Variants in CYLD observed in about 807,000 individuals in gnomAD.
CYLD encodes ubiquitin carboxyl-terminal hydrolase CYLD.
Under a neutral mutation model 104.5 loss-of-function variants are expected in CYLD, and 26 were observed. The ratio of observed to expected loss-of-function variants is 0.25; its 90% CI spans 0.18 to 0.35. The LOEUF (loss-of-function observed/expected upper bound fraction) is 0.35, where lower values mean the gene tolerates loss of function less well. CYLD is among the 10% of genes least tolerant of loss of function. The pLI, the probability that CYLD is intolerant of heterozygous loss-of-function variation, is 1.00. For missense variants in CYLD, 703 were observed against 1,136.1 expected (o/e 0.62, Z 5.48); for synonymous variants, 385 against 399.9 (o/e 0.96, Z 0.45).
Position 50,772,395 on chromosome 16 carries a change from T to A in CYLD, c.914-2771T>A, listed in dbSNP as rs112893957. 1.6e-4 allele frequency among the ~76,000 whole-genome samples: 25 copies of A among 152,346 alleles called. 1 individual carries two copies. The highest frequency in any genetic ancestry group is 6.0e-4 in the African/African-American group (25 of 41,590). On this transcript the variant is annotated intron_variant, in intron 5 of 18. Coordinates refer to ENST00000427738, the MANE Select transcript of CYLD (RefSeq NM_001378743.1). The stretch of plus-strand genomic sequence containing the variant: ...GTTTTATATATTATGTCTAGAGATT[T>A]TAGTTGTACTTAGCAAAAGAAATAG...
chr16:50,746,883 CATGAATAGTTAAG>C (rs1966237148), intron 2 of CYLD, among the ~76,000 whole-genome samples: 1 of 151,968 alleles, frequency 6.6e-6, no homozygotes, highest in African/African-American at 2.4e-5. Context: ...TAAATTGTGA[CATGAATAGTTAAG>C]CTACAGGACC....
In CYLD at chr16:50,800,291, C is replaced by T. The variant is rs1972367684; in HGVS notation, c.*3783C>T. ...TCTGTGAGGGAATCCCCAGGGGAAT[C>T]TCGTGACCAGCCAGGTGTGAAATCT... On this transcript the variant is annotated 3_prime_UTR_variant, in exon 19 of 19. Transcript: ENST00000427738. 8.6e-6 allele frequency: 2 copies of T among 233,312 alleles called. No homozygotes were observed. Among genetic ancestry groups the T allele is most frequent in the African/African-American group, 4.4e-5 (2 of 45,356 alleles). The allele number at this position is 233,312 out of a possible 1,614,324, so 14.5% of individuals were successfully genotyped here.
intron 2 of CYLD, among the ~76,000 whole-genome samples, chr16:50,747,502 A>G (rs1374462743): frequency 6.6e-6 from 1 of 152,238 alleles, no homozygotes; most frequent in Non-Finnish European, 1.5e-5. Context: ...TCATAATGAT[A>G]CATCAATGAT....
chr16:50,748,497 A>G (rs1283336559), intron 2 of CYLD, among the ~76,000 whole-genome samples: 1 of 152,172 alleles, frequency 6.6e-6, no homozygotes, highest in East Asian at 1.9e-4. Context: ...GCAGTGAGCT[A>G]TGATCGCACC....
Position 50,781,187 on chromosome 16 carries a change from C to T in CYLD, c.1519-59C>T, listed in dbSNP as rs1234997818. 3.1e-6 allele frequency: 5 copies of T among 1,591,350 alleles called. No homozygotes were observed. The South Asian group carries it at 5.5e-5, about 18-fold the overall frequency. On this transcript the variant is annotated intron_variant, in intron 9 of 18. Transcript: ENST00000427738. ...GAAACAGGTCTTAGAAACCTTAGTTCTTTGTATACTATCTCTGTAAGGCAC... is the reference window on the plus strand; with the variant it reads ...GAAACAGGTCTTAGAAACCTTAGTTTTTTGTATACTATCTCTGTAAGGCAC...
Position 50,798,496 on chromosome 16 carries a change from A to T in CYLD, c.*1988A>T, listed in dbSNP as rs1300857030. 4.3e-6 allele frequency: 1 copy of T among 232,502 alleles called. No homozygotes were observed. 14.4% of individuals were successfully genotyped at this position (232,502 alleles called of 1,614,324 possible). A position where few individuals can be genotyped will look rare whatever the true frequency, so the allele number is the denominator to read the frequency against. On this transcript the variant is annotated 3_prime_UTR_variant, in exon 19 of 19. Coordinates refer to ENST00000427738, the MANE Select transcript of CYLD (RefSeq NM_001378743.1). ...TGTGTCAGTTATATGCAAATTCTGT[A>T]CCATTTTGTATCAGGGAATTGAGCA... is the stretch of plus-strand genomic sequence containing the variant.
Position 50,800,428 on chromosome 16 carries a change from C to T in CYLD, c.*3920C>T, listed in dbSNP as rs567605672. On this transcript the variant is annotated 3_prime_UTR_variant, in exon 19 of 19. Transcript: ENST00000427738. ...TACTTGGATGTTTATCATACTGTTT[C>T]TCTGTGTTTACATACTAATTTGTGT... is the stretch of plus-strand genomic sequence containing the variant. 10 of 233,290 alleles carry T rather than the reference C, an allele frequency of 4.3e-5. 1 individual carries two copies. The highest frequency in any genetic ancestry group is 2.0e-4 in the African/African-American group (9 of 45,434). 14.5% of individuals were successfully genotyped at this position (233,290 alleles called of 1,614,324 possible). A position where few individuals can be genotyped will look rare whatever the true frequency, so the allele number is the denominator to read the frequency against.
At chr16:50,783,180 C>T (rs1256680781) in intron 11 of CYLD, among the ~76,000 whole-genome samples, 1 of 152,094 alleles carries the variant, frequency 6.6e-6, no homozygotes, top group Non-Finnish European at 1.5e-5. Context: ...GATCTACCCG[C>T]CTTGGCCTCC....
Position 50,799,044 on chromosome 16 carries a change from C to T in CYLD, c.*2536C>T, listed in dbSNP as rs1972277939. 1 of 233,446 alleles carries T rather than the reference C, an allele frequency of 4.3e-6. No homozygotes were observed. Among genetic ancestry groups the T allele is most frequent in the African/African-American group, 2.2e-5 (1 of 45,470 alleles). The allele number at this position is 233,446 out of a possible 1,614,324, so 14.5% of individuals were successfully genotyped here. On this transcript the variant is annotated 3_prime_UTR_variant, in exon 19 of 19. Coordinates refer to ENST00000427738, the MANE Select transcript of CYLD (RefSeq NM_001378743.1). ...GCACAGCCTGGTTTGTCAAGAGGCA[C>T]ATAGTTGGGGCTGGGCTGCATGGCA... is the stretch of plus-strand genomic sequence containing the variant.
chr16:50,745,375 T>TTG (rs1206683701), intron 2 of CYLD, among the ~76,000 whole-genome samples: 3 of 142,190 alleles, frequency 2.1e-5, no homozygotes, highest in African/African-American at 8.1e-5. Flanking sequence ...TTTTTTTTTT[T>TTG]TTTTTTTTTT....
intron 5 of CYLD, among the ~76,000 whole-genome samples, chr16:50,760,952 G>A (rs1215468308): frequency 6.6e-6 from 1 of 152,090 alleles, no homozygotes; most frequent in Non-Finnish European, 1.5e-5. Flanking sequence ...ATGAGAGTGT[G>A]TTACTAACTT....
At chr16:50,761,960 T>G (rs577106139) in intron 5 of CYLD, among the ~76,000 whole-genome samples, 39 of 152,354 alleles carry the variant, frequency 2.6e-4, no homozygotes, top group African/African-American at 7.9e-4. Context: ...GCGTGGTATA[T>G]TTCTGGACTT....
chr16:50,784,703 A>G, intron 12 of CYLD: 1 of 407,692 alleles, frequency 2.5e-6, no homozygotes, highest in Non-Finnish European at 4.6e-6. Flanking sequence ...AGAGTAAACT[A>G]TAATTTAGCA....
Position 50,798,947 on chromosome 16 carries a change from C to T in CYLD, c.*2439C>T, listed in dbSNP as rs780951726. 38 of 233,456 alleles carry T rather than the reference C, an allele frequency of 1.6e-4. No individual in the cohort carries two copies. The highest frequency in any genetic ancestry group is 9.0e-4 in the Admixed American group (16 of 17,808). The allele number at this position is 233,456 out of a possible 1,614,324, so 14.5% of individuals were successfully genotyped here. On this transcript the variant is annotated 3_prime_UTR_variant, in exon 19 of 19. Coordinates refer to ENST00000427738, the MANE Select transcript of CYLD (RefSeq NM_001378743.1). Reference sequence around the variant, plus strand: ...TTCCCTGCTTCTGCATGTCATGAGGCAGCAGGAAGGTTTCCCCTGCACCTG... The same window carrying T: ...TTCCCTGCTTCTGCATGTCATGAGGTAGCAGGAAGGTTTCCCCTGCACCTG...
At chr16:50,754,168 A>G in intron 4 of CYLD, 151 bp from the exon 5 acceptor site, 3 of 644,328 alleles carry the variant, frequency 4.7e-6, no homozygotes, top group Non-Finnish European at 8.2e-6. Context: ...TTACTATGGC[A>G]ACTATTCCTA....
intron 2 of CYLD, among the ~76,000 whole-genome samples, chr16:50,748,534 C>T (rs1035277347): frequency 6.6e-6 from 1 of 150,730 alleles, no homozygotes. Flanking sequence ...GGTGACAGAG[C>T]GAGACCCTGT....
In CYLD at chr16:50,781,345, A is replaced by C; in HGVS notation, c.1618A>C (p.Arg540=). ...KALFVKLKSC[R]PDSRFASLQP... ...GCTGTTTGTGAAACTGAAGAGCTGC[A>C]GGCCTGACTCTAGGTTTGCATCATT... Residue 540 remains arginine, a synonymous_variant, in exon 10 of 19, where the codon AGG becomes CGG. Transcript: ENST00000427738. 1 of 1,613,914 alleles carries C rather than the reference A, an allele frequency of 6.2e-7. No homozygotes were observed. The highest frequency in any genetic ancestry group is 2.2e-5 in the East Asian group (1 of 44,888).
chr16:50,792,239 T>C lies in CYLD; in HGVS notation c.2242-358T>C, dbSNP rs559471807. Among the ~76,000 whole-genome samples, 4 of 152,364 alleles carry C rather than the reference T, an allele frequency of 2.6e-5. No individual in the cohort carries two copies. The East Asian group carries it at 5.8e-4, about 22-fold the overall frequency. ...CCACAGTTATTTATTTGTTGAAATATAATGAGTAGTATCCTTCTGTGATGA... is the reference window on the plus strand; with the variant it reads ...CCACAGTTATTTATTTGTTGAAATACAATGAGTAGTATCCTTCTGTGATGA... On this transcript the variant is annotated intron_variant, in intron 15 of 18. Coordinates refer to ENST00000427738, the MANE Select transcript of CYLD (RefSeq NM_001378743.1).
intron 5 of CYLD, among the ~76,000 whole-genome samples, chr16:50,754,950 CAT>C (rs1482475471): frequency 1.6e-4 from 23 of 143,430 alleles, no homozygotes; most frequent in Admixed American, 2.1e-4. Flanking sequence ...TATATACACA[CAT>C]ATATACATAT....
Sources: allele counts gnomAD v4.1 joint callset (sites outside exome capture counted in the v4.1 genomes callset), GRCh38; gene constraint gnomAD v4.1.1; transcripts MANE v1.5; gene names NCBI Gene and HGNC (gene_info 2026-07-23, HGNC 2026-07-21).